Variants in SUPT3H observed in about 807,000 individuals in gnomAD.
The protein encoded by SUPT3H is transcription initiation protein SPT3 homolog.
A neutral mutation model predicts 44.3 loss-of-function variants in SUPT3H; 44 were observed. That is an observed-to-expected ratio of 0.99 (90% CI 0.78 to 1.28). The LOEUF is 1.28. Ranked by LOEUF, SUPT3H falls within the 50% of genes most tolerant of loss-of-function variation. The pLI is 0.00. For missense variants in SUPT3H, 380 were observed against 387.1 expected, an observed-to-expected ratio of 0.98 and a Z score of 0.15; for synonymous variants, 124 against 125.6, an observed-to-expected ratio of 0.99 and a Z score of 0.09.
At chr6:44,810,265 T>C (rs1006330235) in intron 11 of SUPT3H, among the ~76,000 whole-genome samples, 9 of 152,168 alleles carry the variant, frequency 5.9e-5, no homozygotes, top group African/African-American at 2.2e-4. Flanking sequence ...TCAGCTGAGT[T>C]GTTTACTAAG....
At chr6:44,935,092 A>C (rs1361431721) in intron 9 of SUPT3H, among the ~76,000 whole-genome samples, 1 of 152,132 alleles carries the variant, frequency 6.6e-6, no homozygotes, top group Non-Finnish European at 1.5e-5. Context: ...TGAAGCTACT[A>C]GGCGCACTTT....
chr6:45,077,874 A>C (rs1468264869), intron 3 of SUPT3H, among the ~76,000 whole-genome samples: 1 of 152,184 alleles, frequency 6.6e-6, no homozygotes, highest in Non-Finnish European at 1.5e-5. Context: ...GAAAAGCTTC[A>C]AAAACAATTT....
At chr6:45,370,083 G>A (rs1049052728) in intron 1 of SUPT3H, among the ~76,000 whole-genome samples, 1 of 152,168 alleles carries the variant, frequency 6.6e-6, no homozygotes, top group Non-Finnish European at 1.5e-5. Flanking sequence ...AATGTTTTAG[G>A]TTTAAAAAGA....
In SUPT3H at chr6:44,887,374, C is replaced by G. The variant is rs558049945; in HGVS notation, c.912+45279G>C. 5.2e-4 allele frequency among the ~76,000 whole-genome samples: 79 copies of G among 152,286 alleles called. 1 individual carries two copies. Among genetic ancestry groups the G allele is most frequent in the African/African-American group, 1.9e-3 (78 of 41,556 alleles). ...ATTGACCACACGGTTGGAAATAAAGCTCTCCTCAGCAAATGTAAAAGAACA... is the reference window on the plus strand; with the variant it reads ...ATTGACCACACGGTTGGAAATAAAGGTCTCCTCAGCAAATGTAAAAGAACA... On this transcript the variant is annotated intron_variant, in intron 10 of 10. Transcript: ENST00000371459.
intron 2 of SUPT3H, among the ~76,000 whole-genome samples, chr6:45,171,713 CT>C (rs777154020): frequency 1.1e-4 from 10 of 93,474 alleles, no homozygotes; most frequent in African/African-American, 2.2e-4. Flanking sequence ...ATTCCACTTG[CT>C]TTTTTTTTTT....
intron 2 of SUPT3H, among the ~76,000 whole-genome samples, chr6:45,297,528 T>C (rs553472976): frequency 2.6e-5 from 4 of 152,332 alleles, no homozygotes; most frequent in South Asian, 2.1e-4. Context: ...CCAAGACAGG[T>C]TGGCAGAAAT....
chr6:44,884,464 G>C (rs1452969678), intron 10 of SUPT3H, among the ~76,000 whole-genome samples: 1 of 152,182 alleles, frequency 6.6e-6, no homozygotes, highest in Non-Finnish European at 1.5e-5. Flanking sequence ...CCAGGATCTA[G>C]AAGCAGAAAT....
chr6:45,228,593 GCACA>G (rs1211888061), intron 2 of SUPT3H, among the ~76,000 whole-genome samples: 1 of 151,428 alleles, frequency 6.6e-6, no homozygotes, highest in African/African-American at 2.4e-5. Context: ...CCGCGCGCGC[GCACA>G]CACACACACT....
chr6:45,159,723 G>A (rs754446094), intron 2 of SUPT3H, among the ~76,000 whole-genome samples: 45 of 152,256 alleles, frequency 3.0e-4, no homozygotes, highest in Non-Finnish European at 5.4e-4. Flanking sequence ...CAAGATCCAC[G>A]TTTAGTTAGC....
intron 11 of SUPT3H, among the ~76,000 whole-genome samples, chr6:44,819,025 T>G (rs1382734324): frequency 6.6e-6 from 1 of 152,214 alleles, no homozygotes; most frequent in Non-Finnish European, 1.5e-5. Flanking sequence ...CCATTTGTGT[T>G]CAGAGCAATT....
intron 10 of SUPT3H, among the ~76,000 whole-genome samples, chr6:44,919,296 A>G (rs79385167): frequency 1.1e-4 from 16 of 151,538 alleles, no homozygotes; most frequent in Non-Finnish European, 1.9e-4. Flanking sequence ...TTAATGAAGG[A>G]AAAAAAAAGT....
intron 10 of SUPT3H, among the ~76,000 whole-genome samples, chr6:44,886,949 A>G (rs1275251159): frequency 6.6e-6 from 1 of 152,208 alleles, no homozygotes; most frequent in African/African-American, 2.4e-5. Flanking sequence ...GAAAACAAAA[A>G]AAGGCAGGGG....
At chr6:44,928,368 T>C (rs1408510803) in intron 10 of SUPT3H, among the ~76,000 whole-genome samples, 1 of 152,132 alleles carries the variant, frequency 6.6e-6, no homozygotes, top group Non-Finnish European at 1.5e-5. Flanking sequence ...GTAAAATTAG[T>C]TTCTCTAAAG....
chr6:44,998,649 CTTA>C (rs1260946279), intron 6 of SUPT3H, among the ~76,000 whole-genome samples: 3 of 151,738 alleles, frequency 2.0e-5, no homozygotes, highest in Admixed American at 6.6e-5. Flanking sequence ...CAACCTAATA[CTTA>C]TTTTTTATTT....
chr6:45,101,114 TCTCA>T, intron 3 of SUPT3H, among the ~76,000 whole-genome samples: 1 of 152,214 alleles, frequency 6.6e-6, no homozygotes, highest in East Asian at 1.9e-4. Flanking sequence ...TATCACATGT[TCTCA>T]CTGATACATG....
intron 2 of SUPT3H, among the ~76,000 whole-genome samples, chr6:45,297,779 C>T (rs9463082): frequency 0.12 from 18,431 of 152,090 alleles, 1,287 homozygotes; most frequent in African/African-American, 0.19. Context: ...CCCTATGCAG[C>T]CTATCACCCA....
chr6:45,052,863 A>G (rs1489316615), intron 3 of SUPT3H, among the ~76,000 whole-genome samples: 1 of 152,168 alleles, frequency 6.6e-6, no homozygotes, highest in African/African-American at 2.4e-5. Context: ...ATGAAAGAGG[A>G]TAAGGACATT....
At position 45,327,087 on chromosome 6, in the gene SUPT3H, T is replaced by G. The variant is rs1459773484; in HGVS notation, c.101+38114A>C. 2.0e-5 allele frequency among the ~76,000 whole-genome samples: 3 copies of G among 151,984 alleles called. No individual in the cohort carries two copies. The Admixed American group carries it at 2.0e-4, about 10-fold the overall frequency. On this transcript the variant is annotated intron_variant, in intron 2 of 10. Transcript: ENST00000371459. ...CACTGCCTATGATATATAATCATCC[T>G]AATAAGAAAATGAGTTCTATACATA... is the stretch of plus-strand genomic sequence containing the variant.
intron 10 of SUPT3H, among the ~76,000 whole-genome samples, chr6:44,840,228 A>G (rs1770723113): frequency 6.6e-6 from 1 of 152,224 alleles, no homozygotes; most frequent in African/African-American, 2.4e-5. Context: ...ATATAGCCTC[A>G]ATGTATAATC....
Sources: gnomAD v4.1 joint callset for allele counts (sites outside exome capture counted in the v4.1 genomes callset) on GRCh38, gnomAD v4.1.1 for gene constraint, MANE v1.5 for transcripts, NCBI Gene and HGNC (gene_info 2026-07-23, HGNC 2026-07-21) for gene names.